UMODL1: variants seen among roughly 807,000 people sequenced by gnomAD.
UMODL1 encodes uromodulin-like 1.
In UMODL1, 128 loss-of-function variants were observed where a neutral mutation model predicts 136.3. That is an observed-to-expected ratio of 0.94 (90% CI 0.81 to 1.09). UMODL1 has a LOEUF of 1.09. Among genes scored for constraint, UMODL1 ranks in the 50% least tolerant of loss-of-function variants. The probability of loss-of-function intolerance (pLI) is 0.00; values close to 1 mark genes in which losing one functional copy is unlikely to be tolerated. For missense variants in UMODL1, 1,766 were observed against 1,725.6 expected, an observed-to-expected ratio of 1.02 and a Z score of -0.41; for synonymous variants, 721 against 720.0, an observed-to-expected ratio of 1.00 and a Z score of -0.02.
At chr21:42,110,267 T>C (rs1362367107) in intron 10 of UMODL1, among the ~76,000 whole-genome samples, 4 of 152,204 alleles carry the variant, frequency 2.6e-5, no homozygotes, top group Non-Finnish European at 5.9e-5. Context: ...GGACCTAAAA[T>C]GCAGTGACTG....
chr21:42,121,129 G>C lies in UMODL1; in HGVS notation c.2732G>C (p.Gly911Ala). 6.2e-7 allele frequency: 1 copy of C among 1,614,074 alleles called. No homozygotes were observed. The highest frequency in any genetic ancestry group is 8.5e-7 in the Non-Finnish European group (1 of 1,179,974). ...AGGAAGGAGGACGACTGTGTGCCGGGGACATCCTGTCGAAACACCCTCGGG... is the reference window on the plus strand; with the variant it reads ...AGGAAGGAGGACGACTGTGTGCCGGCGACATCCTGTCGAAACACCCTCGGG... Reference protein sequence around the residue: ...CERKEDDCVPGTSCRNTLGSF... With the variant: ...CERKEDDCVPATSCRNTLGSF... Residue 911 changes from glycine to alanine, a missense_variant, in exon 16 of 23, where the codon GGG (glycine) becomes GCG (alanine). By Grantham distance (60) the Gly-to-Ala change is moderately conservative. Transcript: ENST00000408910.
intron 1 of UMODL1, among the ~76,000 whole-genome samples, chr21:42,072,470 T>G (rs1001469929): frequency 6.6e-6 from 1 of 152,156 alleles, no homozygotes; most frequent in Non-Finnish European, 1.5e-5. Context: ...GACCCCACAG[T>G]TCAGATGCAT....
At chr21:42,083,083 C>T (rs1188626883) in intron 2 of UMODL1, among the ~76,000 whole-genome samples, 1 of 152,220 alleles carries the variant, frequency 6.6e-6, no homozygotes, top group Non-Finnish European at 1.5e-5. Flanking sequence ...GTGTCTAGAG[C>T]TGCATCGGAG....
intron 9 of UMODL1, among the ~76,000 whole-genome samples, chr21:42,108,749 C>G (rs562452047): frequency 6.6e-6 from 1 of 152,090 alleles, no homozygotes; most frequent in African/African-American, 2.4e-5. Flanking sequence ...TCCCCTCAGG[C>G]GGGCCCCCCG....
In UMODL1 at chr21:42,076,161, A is replaced by C; in HGVS notation, c.233A>C (p.Gln78Pro). The change falls in exon 2 of 23, where the codon CAG becomes CCG. Residue 78 changes from glutamine to proline, a missense_variant. Physicochemically the swap from Gln to Pro is moderately conservative, Grantham distance 76. Coordinates refer to ENST00000408910, the MANE Select transcript of UMODL1 (RefSeq NM_001004416.3). ...TGCCCTAAGATGGTTTACCGGACAC[A>C]GTACCTGGTAGTGGAGGTCCCCGAG... ...RRCPKMVYRTQYLVVEVPESR... is the reference protein window; with the variant it reads ...RRCPKMVYRTPYLVVEVPESR... The C allele has an allele frequency of 1.2e-6, 2 of 1,614,270 alleles. No individual in the cohort carries two copies. The highest frequency in any genetic ancestry group is 1.7e-6 in the Non-Finnish European group (2 of 1,180,050).
Position 42,109,658 on chromosome 21 carries a change from C to A in UMODL1, c.1616C>A (p.Thr539Asn), listed in dbSNP as rs777822415. Reference sequence around the variant, plus strand: ...TCCTACACCTGCCAGTGCCGTACCACCAGGGACGCCACCCCCTCCCGCGCA... The same window carrying A: ...TCCTACACCTGCCAGTGCCGTACCAACAGGGACGCCACCCCCTCCCGCGCA... Reference protein sequence around the residue: ...EGSYTCQCRTTRDATPSRAGR... With the variant: ...EGSYTCQCRTNRDATPSRAGR... Residue 539 changes from threonine to asparagine, a missense_variant, in exon 10 of 23, where the codon ACC becomes AAC. Coordinates refer to ENST00000408910, the MANE Select transcript of UMODL1 (RefSeq NM_001004416.3). The A allele has an allele frequency of 6.2e-7, 1 of 1,608,026 alleles. No homozygotes were observed. The highest frequency in any genetic ancestry group is 1.1e-5 in the South Asian group (1 of 91,068).
intron 2 of UMODL1, among the ~76,000 whole-genome samples, chr21:42,082,363 C>T (rs578164722): frequency 2.6e-5 from 4 of 152,322 alleles, no homozygotes; most frequent in South Asian, 4.1e-4. Context: ...TCCCCACCCT[C>T]GCGGGGGTGA....
intron 19 of UMODL1, 74 bp from the exon 20 acceptor site, chr21:42,127,598 T>G: frequency 1.3e-6 from 2 of 1,484,438 alleles, no homozygotes; most frequent in South Asian, 1.3e-5. Context: ...GATGTAGTCG[T>G]GAGTAAACTC....
chr21:42,108,934 C>T (rs56826469), intron 9 of UMODL1, among the ~76,000 whole-genome samples: 442 of 44,682 alleles, frequency 9.9e-3, no homozygotes, highest in Middle Eastern at 0.025. Flanking sequence ...CGAGAGAAGT[C>T]CATGTTATAC....
intron 8 of UMODL1, chr21:42,103,299 T>A (rs1601221081): frequency 4.9e-6 from 1 of 206,072 alleles, no homozygotes; most frequent in East Asian, 1.1e-4. Flanking sequence ...TTCAATGTTT[T>A]CAGAGAATTC....
rs958073526 is a variant in UMODL1, at chr21:42,113,805, C to G, written c.2337C>G (p.Ala779=). 6.2e-7 allele frequency: 1 copy of G among 1,613,554 alleles called. No individual in the cohort carries two copies. Among genetic ancestry groups the G allele is most frequent in the Non-Finnish European group, 8.5e-7 (1 of 1,179,828 alleles). Residue 779 remains alanine (A), a synonymous_variant, in exon 13 of 23, where the codon GCC becomes GCG. Transcript: ENST00000408910. ...IMAKACGKEG[A]RAHLKVRTAA... ...CCAAAGCATGTGGGAAAGAAGGTGC[C>G]AGAGCTCATCTGAAAGTGAGGACAG...
At chr21:42,077,001 G>GT (rs2066299616) in intron 2 of UMODL1, among the ~76,000 whole-genome samples, 2 of 134,878 alleles carry the variant, frequency 1.5e-5, no homozygotes, top group Non-Finnish European at 3.1e-5. Flanking sequence ...TCCAGGGGAG[G>GT]GGTGTGTGTG....
chr21:42,141,125 A>G lies in UMODL1; in HGVS notation c.*22-971A>G, dbSNP rs375172314. On this transcript the variant is annotated intron_variant, in intron 22 of 22. Transcript: ENST00000408910. ...GCAAAGTATAGTAGACACTGGCTCC[A>G]ATCTTAAAATGAGGAAATGGGGCCC... Among the ~76,000 whole-genome samples the G allele has an allele frequency of 3.2e-4, 49 of 152,354 alleles. No individual in the cohort carries two copies. In the East Asian group the frequency reaches 6.0e-3, roughly 19 times the overall value.
chr21:42,071,010 G>A (rs546667288), upstream of UMODL1, among the ~76,000 whole-genome samples: 2 of 152,346 alleles, frequency 1.3e-5, no homozygotes, highest in African/African-American at 4.8e-5. Context: ...GGGATCCAGC[G>A]ATGCGGTCTG....
Position 42,111,064 on chromosome 21 carries a change from G to C in UMODL1, c.1842G>C (p.Gly614=), listed in dbSNP as rs369269555. The change falls in exon 11 of 23, where the codon GGG becomes GGC. Residue 614 remains glycine (G), a synonymous_variant. Transcript: ENST00000408910. Reference sequence around the variant, plus strand: ...CCCCAGAGCCCTCACCCAGAAGAGGGGGCAGCAATGTGGTCGGGTATGACA... The same window carrying C: ...CCCCAGAGCCCTCACCCAGAAGAGGCGGCAGCAATGTGGTCGGGTATGACA... ...AWTPEPSPRR[G]GSNVVGYDRN... 5 of 1,613,352 alleles carry C rather than the reference G, an allele frequency of 3.1e-6. No homozygotes were observed. The African/African-American group carries it at 5.3e-5, about 17-fold the overall frequency.
intron 5 of UMODL1, among the ~76,000 whole-genome samples, chr21:42,090,052 G>A (rs539473414): frequency 5.9e-5 from 9 of 152,310 alleles, no homozygotes; most frequent in East Asian, 1.9e-4. Flanking sequence ...GAGGCTGCCC[G>A]GTGAGCCAGC....
chr21:42,108,344 A>G (rs1477483058), intron 9 of UMODL1: 2 of 526,694 alleles, frequency 3.8e-6, no homozygotes, highest in South Asian at 1.4e-5. Context: ...GTGGGTTGGC[A>G]CCAGCAGTGT....
chr21:42,126,905 C>A, intron 18 of UMODL1, 101 bp from the exon 19 acceptor site: 1 of 971,070 alleles, frequency 1.0e-6, no homozygotes, highest in Non-Finnish European at 1.6e-6. Context: ...TTCATTTGCA[C>A]GTTCCTCTGG....
chr21:42,104,921 C>T (rs2066694042), intron 9 of UMODL1, among the ~76,000 whole-genome samples: 1 of 152,204 alleles, frequency 6.6e-6, no homozygotes, highest in African/African-American at 2.4e-5. Context: ...GAGTTCTCTC[C>T]TGGCTGTGAG....
Sources: gnomAD v4.1 joint callset for allele counts (sites outside exome capture counted in the v4.1 genomes callset) on GRCh38, gnomAD v4.1.1 for gene constraint, MANE v1.5 for transcripts, NCBI Gene and HGNC (gene_info 2026-07-23, HGNC 2026-07-21) for gene names.